Variants in DNAAF10 observed in about 807,000 individuals in gnomAD.
DNAAF10 encodes the protein dynein axonemal assembly factor 10.
DNAAF10 carries 28 observed loss-of-function variants against 43.7 expected under a neutral mutation model. That is an observed-to-expected ratio of 0.64 (90% CI 0.48 to 0.88). The LOEUF is 0.88. Among genes scored for constraint, DNAAF10 ranks in the 40% least tolerant of loss-of-function variants. The pLI is 0.00. For synonymous variants in DNAAF10, 156 were observed against 157.3 expected (o/e 0.99, Z 0.06); for missense variants, 403 against 439.1 (o/e 0.92, Z 0.73).
chr2:68,145,610 G>C (rs1284667651), intron 2 of DNAAF10, among the ~76,000 whole-genome samples: 1 of 152,086 alleles, frequency 6.6e-6, no homozygotes, highest in African/African-American at 2.4e-5. Context: ...AGTCCACACT[G>C]ATTTTCTACT....
Position 68,130,704 on chromosome 2 carries a change from C to G in DNAAF10, c.*534G>C, listed in dbSNP as rs1416087747. 1 of 153,776 alleles carries G rather than the reference C, an allele frequency of 6.5e-6. No individual in the cohort carries two copies. The highest frequency in any genetic ancestry group is 1.5e-5 in the Non-Finnish European group (1 of 68,880). The allele number at this position is 153,776 out of a possible 1,614,324, so 9.5% of individuals were successfully genotyped here. A position where few individuals can be genotyped will look rare whatever the true frequency, so the allele number is the denominator to read the frequency against. ...TGGAAGGGAGAGAAAAGAACTGGCCCTGGAGATAGTTTACTTGGTGCTTCT... is the reference window on the plus strand; with the variant it reads ...TGGAAGGGAGAGAAAAGAACTGGCCGTGGAGATAGTTTACTTGGTGCTTCT... On this transcript the variant is annotated 3_prime_UTR_variant, in exon 8 of 8. Coordinates refer to ENST00000295121, the MANE Select transcript of DNAAF10 (RefSeq NM_138458.4).
At chr2:68,144,531 A>G (rs1469974539) in intron 3 of DNAAF10, 54 bp downstream of exon 3, 30 of 1,599,022 alleles carry the variant, frequency 1.9e-5, no homozygotes, top group Admixed American at 3.6e-5. Flanking sequence ...GTACTGCTGC[A>G]TAGAGATTTC....
intron 7 of DNAAF10, chr2:68,131,747 T>G (rs986421917): frequency 1.9e-5 from 5 of 269,720 alleles, no homozygotes; most frequent in African/African-American, 8.7e-5. Flanking sequence ...CTAGGATTCT[T>G]TAATACATTT....
chr2:68,147,441 T>C (rs759270986), intron 2 of DNAAF10, 26 bp downstream of exon 2: 3 of 1,561,818 alleles, frequency 1.9e-6, no homozygotes, highest in Admixed American at 1.7e-5. Context: ...ATCTCATCTG[T>C]CTGAATACTG....
chr2:68,146,995 AG>A (rs1673333130), intron 2 of DNAAF10, among the ~76,000 whole-genome samples: 1 of 152,218 alleles, frequency 6.6e-6, no homozygotes, highest in South Asian at 2.1e-4. Context: ...ATTCAAAAAA[AG>A]TTTATTTTGA....
At position 68,131,109 on chromosome 2, in the gene DNAAF10, G is replaced by A. The variant is rs184779445; in HGVS notation, c.*129C>T. The A allele has an allele frequency of 6.6e-5, 56 of 850,234 alleles. No homozygotes were observed. The highest frequency in any genetic ancestry group is 5.6e-5 in the East Asian group (2 of 35,636). 52.7% of individuals were successfully genotyped at this position (850,234 alleles called of 1,614,324 possible). On this transcript the variant is annotated 3_prime_UTR_variant, in exon 8 of 8. Coordinates refer to ENST00000295121, the MANE Select transcript of DNAAF10 (RefSeq NM_138458.4). Reference sequence around the variant, plus strand: ...TTTTTTTTATATTTTTAGTAGAGACGGGGTTTCACCATGTTAGCCAGGATG... The same window carrying A: ...TTTTTTTTATATTTTTAGTAGAGACAGGGTTTCACCATGTTAGCCAGGATG...
Position 68,131,349 on chromosome 2 carries a change from G to C in DNAAF10, c.963C>G (p.Thr321=), listed in dbSNP as rs745907918. The part of the protein sequence containing the change: ...VSLLQNVTLS[T]QPISSLDWSP... Reference sequence around the variant, plus strand: ...TCCAATCCAAACTTGAAATGGGCTGGGTGGACAACGTAACATTCTGCAGAA... The same window carrying C: ...TCCAATCCAAACTTGAAATGGGCTGCGTGGACAACGTAACATTCTGCAGAA... The change falls in exon 8 of 8, where the codon ACC becomes ACG. Residue 321 remains threonine, a synonymous_variant. Transcript: ENST00000295121. 2 of 1,614,112 alleles carry C rather than the reference G, an allele frequency of 1.2e-6. No individual in the cohort carries two copies. The highest frequency in any genetic ancestry group is 1.7e-5 in the Admixed American group (1 of 60,012).
At chr2:68,148,423 T>C (rs191459982) in intron 1 of DNAAF10, among the ~76,000 whole-genome samples, 3 of 152,310 alleles carry the variant, frequency 2.0e-5, no homozygotes, top group Admixed American at 2.0e-4. Flanking sequence ...AACTCAAATA[T>C]CAGTTCTTAT....
chr2:68,157,398 C>T lies in DNAAF10; in HGVS notation c.46G>A (p.Gly16Ser). The change falls in exon 1 of 8, where the codon GGC becomes AGC. Residue 16 changes from glycine (G) to serine (S), a missense_variant. Transcript: ENST00000295121. ...CAGTCAAACACCGTGTAGTTGAAGC[C>T]CTTCTGGATATGGGCGATGATCTGA... ...KPQIIAHIQK[G>S]FNYTVFDCKW... The T allele has an allele frequency of 6.2e-7, 1 of 1,614,164 alleles. No individual in the cohort carries two copies. Among genetic ancestry groups the T allele is most frequent in the Non-Finnish European group, 8.5e-7 (1 of 1,180,032 alleles).
At position 68,155,355 on chromosome 2, in the gene DNAAF10, G is replaced by A. The variant is rs144637725; in HGVS notation, c.183+1906C>T. Among the ~76,000 whole-genome samples the A allele has an allele frequency of 2.8e-3, 432 of 151,958 alleles. 3 individuals are homozygous for A. Among genetic ancestry groups the A allele is most frequent in the African/African-American group, 6.7e-3 (278 of 41,452 alleles). Reference sequence around the variant, plus strand: ...AAAAATACAAAAAAATTAGTTGGGCGTGGTAGCATGTGCCTGTAATTCCAG... The same window carrying A: ...AAAAATACAAAAAAATTAGTTGGGCATGGTAGCATGTGCCTGTAATTCCAG... On this transcript the variant is annotated intron_variant, in intron 1 of 7. Transcript: ENST00000295121.
chr2:68,152,256 G>A (rs4671205), intron 1 of DNAAF10, among the ~76,000 whole-genome samples: 112,310 of 152,140 alleles, frequency 0.74, 42,549 homozygotes, highest in African/African-American at 0.93. Context: ...AGATATTTAT[G>A]GTCATTAGTG....
chr2:68,157,077 C>G, intron 1 of DNAAF10, 184 bp downstream of exon 1: 1 of 859,880 alleles, frequency 1.2e-6, no homozygotes, highest in Non-Finnish European at 1.7e-6. Flanking sequence ...GGAACTACCC[C>G]GCGGATGAGA....
intron 1 of DNAAF10, among the ~76,000 whole-genome samples, chr2:68,150,109 A>G (rs1673416671): frequency 6.6e-6 from 1 of 152,110 alleles, no homozygotes; most frequent in African/African-American, 2.4e-5. Flanking sequence ...TGTGATTCCT[A>G]GGCCATGGAA....
At chr2:68,156,671 C>T (rs991203804) in intron 1 of DNAAF10, among the ~76,000 whole-genome samples, 1 of 152,178 alleles carries the variant, frequency 6.6e-6, no homozygotes, top group African/African-American at 2.4e-5. Context: ...TAAACTTCTT[C>T]CCATCACTGA....
chr2:68,147,907 G>A (rs941170364), intron 1 of DNAAF10, among the ~76,000 whole-genome samples: 1 of 152,152 alleles, frequency 6.6e-6, no homozygotes, highest in Non-Finnish European at 1.5e-5. Flanking sequence ...ACATAATGAA[G>A]ATATTATCTT....
chr2:68,144,177 GT>G (rs1248190595), intron 3 of DNAAF10, among the ~76,000 whole-genome samples: 1 of 152,134 alleles, frequency 6.6e-6, no homozygotes, highest in Non-Finnish European at 1.5e-5. Flanking sequence ...CAGAACTTCA[GT>G]TTTCAAGCAG....
intron 7 of DNAAF10, among the ~76,000 whole-genome samples, chr2:68,132,473 G>A (rs570819703): frequency 3.3e-5 from 5 of 152,254 alleles, no homozygotes; most frequent in Admixed American, 1.3e-4. Context: ...CAGTTATTTA[G>A]TATTCAAAAG....
chr2:68,130,109 G>GATATATAT lies in DNAAF10; in HGVS notation c.*1128_*1129insATATATAT, dbSNP rs199700133. 3.9e-4 allele frequency: 51 copies of GATATATAT among 129,198 alleles called. No individual in the cohort carries two copies. Among genetic ancestry groups the GATATATAT allele is most frequent in the African/African-American group, 1.2e-3 (36 of 30,000 alleles). The allele number at this position is 129,198 out of a possible 1,614,324, so 8.0% of individuals were successfully genotyped here. ...CTAGACCAACCGTGCCGTTTTGAGA[G>GATATATAT]AGAGAGATATATATATATATATTTG... On this transcript the variant is annotated 3_prime_UTR_variant, in exon 8 of 8. Transcript: ENST00000295121.
chr2:68,153,784 CCT>C (rs1673516285), intron 1 of DNAAF10, among the ~76,000 whole-genome samples: 2 of 130,736 alleles, frequency 1.5e-5, no homozygotes, highest in South Asian at 2.6e-4. Context: ...ACAGAGTCTT[CCT>C]CTGTCTTCAG....
Sources: gnomAD v4.1 joint callset for allele counts (sites outside exome capture counted in the v4.1 genomes callset) on GRCh38, gnomAD v4.1.1 for gene constraint, MANE v1.5 for transcripts, NCBI Gene and HGNC (gene_info 2026-07-23, HGNC 2026-07-21) for gene names.